The following FNDC3B variants were observed in gnomAD, a reference collection of about 807,000 sequenced individuals.
The protein encoded by FNDC3B is fibronectin type III domain-containing protein 3B.
In FNDC3B, 12 loss-of-function variants were observed where a neutral mutation model predicts 151.5. That is an observed-to-expected ratio of 0.08 (90% CI 0.05 to 0.13). The LOEUF (loss-of-function observed/expected upper bound fraction) is 0.13. Among genes scored for constraint, FNDC3B ranks in the 10% least tolerant of loss-of-function variants. The probability of loss-of-function intolerance (pLI) is 1.00; values close to 1 mark genes in which losing one functional copy is unlikely to be tolerated. For synonymous variants in FNDC3B, 528 were observed against 549.0 expected, an observed-to-expected ratio of 0.96 and a Z score of 0.54; for missense variants, 1,214 against 1,505.3, an observed-to-expected ratio of 0.81 and a Z score of 3.20.
intron 3 of FNDC3B, chr3:172,184,168 C>A (rs528750556): frequency 6.6e-6 from 1 of 152,134 alleles, no homozygotes; most frequent in Non-Finnish European, 1.5e-5. Context: ...TCCAGAGGCC[C>A]CCATTCCCCT....
chr3:172,256,613 G>C (rs1259446591), intron 6 of FNDC3B, among the ~76,000 whole-genome samples: 2 of 152,080 alleles, frequency 1.3e-5, no homozygotes, highest in African/African-American at 4.8e-5. Flanking sequence ...TTTTATTCTT[G>C]ATAAAAAAAC....
intron 7 of FNDC3B, among the ~76,000 whole-genome samples, chr3:172,287,589 G>C (rs1158576460): frequency 4.6e-5 from 7 of 152,206 alleles, no homozygotes; most frequent in Non-Finnish European, 1.0e-4. Flanking sequence ...AGGAGTCAGA[G>C]AGAGAGGGCA....
chr3:172,378,171 AC>A (rs1735250377), intron 23 of FNDC3B, 98 bp from the exon 24 acceptor site: 1 of 940,714 alleles, frequency 1.1e-6, no homozygotes, highest in African/African-American at 1.7e-5. Flanking sequence ...GAAAGCGTTT[AC>A]CAGGTTGGCC....
intron 25 of FNDC3B, among the ~76,000 whole-genome samples, chr3:172,389,762 A>G (rs1396512662): frequency 1.3e-5 from 2 of 152,158 alleles, no homozygotes; most frequent in East Asian, 3.9e-4. Context: ...GCTACTCGGG[A>G]GGCTGAGGCA....
At chr3:172,151,842 G>A (rs58392620) in intron 3 of FNDC3B, among the ~76,000 whole-genome samples, 1 of 152,222 alleles carries the variant, frequency 6.6e-6, no homozygotes. Flanking sequence ...GGGGAAAAAC[G>A]GTTATGCGTT....
chr3:172,245,897 TGATA>T (rs542149905), intron 4 of FNDC3B, among the ~76,000 whole-genome samples: 1 of 152,240 alleles, frequency 6.6e-6, no homozygotes, highest in Non-Finnish European at 1.5e-5. Context: ...ACATTTATTT[TGATA>T]GATTTATTAA....
At chr3:172,071,081 C>T (rs528984804) in intron 1 of FNDC3B, among the ~76,000 whole-genome samples, 40 of 152,030 alleles carry the variant, frequency 2.6e-4, no homozygotes, top group African/African-American at 8.0e-4. Flanking sequence ...GTAACAAATG[C>T]GTGTTTTGAT....
intron 5 of FNDC3B, among the ~76,000 whole-genome samples, chr3:172,251,023 G>T (rs755983182): frequency 1.3e-5 from 2 of 152,008 alleles, no homozygotes; most frequent in Non-Finnish European, 2.9e-5. Flanking sequence ...TCACCATGTT[G>T]CCCAGGCTAG....
At chr3:172,096,267 A>G (rs944044448) in intron 1 of FNDC3B, among the ~76,000 whole-genome samples, 6 of 152,242 alleles carry the variant, frequency 3.9e-5, no homozygotes, top group African/African-American at 1.4e-4. Context: ...AAGATAGAAA[A>G]TGCACCCTTT....
At chr3:172,382,382 G>A (rs1464560486) in intron 25 of FNDC3B, among the ~76,000 whole-genome samples, 1 of 152,072 alleles carries the variant, frequency 6.6e-6, no homozygotes, top group Non-Finnish European at 1.5e-5. Flanking sequence ...TTTGTCAGAT[G>A]GATAGATTGC....
chr3:172,080,264 G>T (rs188648586), intron 1 of FNDC3B, among the ~76,000 whole-genome samples: 6 of 152,014 alleles, frequency 3.9e-5, no homozygotes, highest in Admixed American at 2.0e-4. Context: ...CTGAAGCTTA[G>T]AATTTTTTCT....
chr3:172,359,105 A>G (rs1411484556), intron 22 of FNDC3B, among the ~76,000 whole-genome samples: 1 of 152,054 alleles, frequency 6.6e-6, no homozygotes, highest in African/African-American at 2.4e-5. Context: ...AGCTAAAGAT[A>G]TAAAGAACCT....
chr3:172,378,579 A>G, intron 24 of FNDC3B, 143 bp downstream of exon 24: 2 of 804,108 alleles, frequency 2.5e-6, no homozygotes, highest in Non-Finnish European at 3.7e-6. Context: ...TTGAGCAATG[A>G]TGGGTTGTCT....
intron 3 of FNDC3B, among the ~76,000 whole-genome samples, chr3:172,145,054 A>C (rs1048964720): frequency 6.6e-6 from 1 of 151,254 alleles, no homozygotes; most frequent in Non-Finnish European, 1.5e-5. Context: ...CTAAGTATTC[A>C]AGTCTTTTTG....
intron 1 of FNDC3B, among the ~76,000 whole-genome samples, chr3:172,068,254 G>A (rs1393498947): frequency 2.6e-5 from 4 of 152,168 alleles, no homozygotes; most frequent in Non-Finnish European, 5.9e-5. Flanking sequence ...ATGCTCTGCC[G>A]AGTGAATGGG....
intron 1 of FNDC3B, among the ~76,000 whole-genome samples, chr3:172,085,852 G>A (rs140164044): frequency 7.5e-4 from 114 of 152,282 alleles, no homozygotes; most frequent in African/African-American, 2.6e-3. Flanking sequence ...TAATGGATTC[G>A]GATGTTAAAA....
chr3:172,178,799 T>A (rs539245735), intron 3 of FNDC3B, among the ~76,000 whole-genome samples: 1 of 152,244 alleles, frequency 6.6e-6, no homozygotes, highest in Admixed American at 6.5e-5. Context: ...GATAATATAG[T>A]TTATGGGTAA....
chr3:172,263,336 T>C (rs1728749187), intron 6 of FNDC3B, among the ~76,000 whole-genome samples: 1 of 152,104 alleles, frequency 6.6e-6, no homozygotes, highest in South Asian at 2.1e-4. Flanking sequence ...CAGTACGATC[T>C]TTCAAACCAG....
chr3:172,213,326 G>A (rs2108716604), intron 3 of FNDC3B, among the ~76,000 whole-genome samples: 1 of 152,318 alleles, frequency 6.6e-6, no homozygotes, highest in South Asian at 2.1e-4. Context: ...TGGACCTCAG[G>A]CCATGTGAGC....
Sources: gnomAD v4.1 joint callset for allele counts (sites outside exome capture counted in the v4.1 genomes callset) on GRCh38, gnomAD v4.1.1 for gene constraint, MANE v1.5 for transcripts, NCBI Gene and HGNC (gene_info 2026-07-23, HGNC 2026-07-21) for gene names.